Variants in NBEA observed in about 807,000 individuals in gnomAD.
NBEA encodes the protein neurobeachin.
Under a neutral mutation model 343.4 loss-of-function variants are expected in NBEA, and 44 were observed. The observed-to-expected ratio is 0.13, with a 90% CI of 0.10 to 0.16. The LOEUF (loss-of-function observed/expected upper bound fraction) is 0.16, where lower values mean the gene tolerates loss of function less well. Among genes scored for constraint, NBEA ranks in the 10% least tolerant of loss-of-function variants. The pLI is 1.00. For synonymous variants in NBEA, 1,175 were observed against 1,238.7 expected, an observed-to-expected ratio of 0.95 and a Z score of 1.08; for missense variants, 2,555 against 3,631.3, an observed-to-expected ratio of 0.70 and a Z score of 7.62.
At chr13:35,550,838 A>T (rs1195000875) in intron 42 of NBEA, 92 bp from the exon 43 acceptor site, 2 of 768,478 alleles carry the variant, frequency 2.6e-6, no homozygotes, top group African/African-American at 3.5e-5. Context: ...TTTACAAATA[A>T]ATCATGATAG....
chr13:35,124,707 T>C (rs555899946), intron 17 of NBEA, among the ~76,000 whole-genome samples: 3 of 150,280 alleles, frequency 2.0e-5, no homozygotes, highest in Non-Finnish European at 4.4e-5. Context: ...TACACACATA[T>C]ATGTATGGAT....
chr13:35,455,299 G>A (rs969575317), intron 40 of NBEA, among the ~76,000 whole-genome samples: 2 of 151,634 alleles, frequency 1.3e-5, no homozygotes, highest in Non-Finnish European at 2.9e-5. Context: ...ATAGAAGAAA[G>A]TATGCTAATT....
intron 36 of NBEA, among the ~76,000 whole-genome samples, chr13:35,343,784 C>A (rs902560341): frequency 6.6e-6 from 1 of 152,076 alleles, no homozygotes; most frequent in African/African-American, 2.4e-5. Context: ...TCTCCCATCA[C>A]CCCCAGATGG....
intron 47 of NBEA, among the ~76,000 whole-genome samples, chr13:35,597,367 T>C (rs1175142795): frequency 6.6e-6 from 1 of 152,196 alleles, no homozygotes; most frequent in Non-Finnish European, 1.5e-5. Context: ...ATTTAGGAAA[T>C]TTTAAACTAC....
chr13:35,538,325 T>C (rs2078653096), intron 41 of NBEA, among the ~76,000 whole-genome samples: 1 of 152,216 alleles, frequency 6.6e-6, no homozygotes, highest in African/African-American at 2.4e-5. Context: ...ACAAAGTTTG[T>C]GCATTGAACT....
In NBEA at chr13:35,050,406, G is replaced by A. The variant is rs199832483; in HGVS notation, c.972+11G>A. ...TTTCAACCACGCAAGGTAGGTAAAA[G>A]TAAATATTTTTATAACTCACCTGTT... On this transcript the variant is annotated intron_variant, in intron 6 of 58. Coordinates refer to ENST00000379939, the MANE Select transcript of NBEA (RefSeq NM_001385012.1). 1.7e-5 allele frequency: 27 copies of A among 1,604,050 alleles called. No homozygotes were observed. The highest frequency in any genetic ancestry group is 2.7e-5 in the African/African-American group (2 of 74,608).
chr13:35,384,279 A>C (rs2042138683), intron 38 of NBEA, among the ~76,000 whole-genome samples: 1 of 152,236 alleles, frequency 6.6e-6, no homozygotes, highest in Non-Finnish European at 1.5e-5. Context: ...TTTTATACCT[A>C]AATGGATTCT....
chr13:35,103,601 A>G (rs181042297), intron 11 of NBEA, among the ~76,000 whole-genome samples: 1 of 151,836 alleles, frequency 6.6e-6, no homozygotes, highest in Non-Finnish European at 1.5e-5. Flanking sequence ...ATTACTCTCA[A>G]TTGTTTCTCC....
chr13:35,526,653 C>G (rs1196043568), intron 41 of NBEA, among the ~76,000 whole-genome samples: 1 of 152,214 alleles, frequency 6.6e-6, no homozygotes, highest in Admixed American at 6.5e-5. Context: ...TGGGCTTGTT[C>G]TGCCCACTCA....
intron 41 of NBEA, among the ~76,000 whole-genome samples, chr13:35,473,370 G>A (rs182420045): frequency 4.6e-5 from 7 of 152,244 alleles, no homozygotes; most frequent in African/African-American, 1.2e-4. Flanking sequence ...ATTTTCAGAG[G>A]CAGTTATTCT....
chr13:34,944,518 CAAAT>C (rs990110976), intron 1 of NBEA, among the ~76,000 whole-genome samples: 3 of 152,092 alleles, frequency 2.0e-5, no homozygotes, highest in African/African-American at 4.8e-5. Flanking sequence ...TTGTACCTTT[CAAAT>C]AAATCATCAT....
At chr13:35,377,100 A>G (rs1299199486) in intron 38 of NBEA, among the ~76,000 whole-genome samples, 2 of 152,206 alleles carry the variant, frequency 1.3e-5, no homozygotes, top group Non-Finnish European at 2.9e-5. Context: ...TTATTTGATG[A>G]TAGGTTGGTT....
chr13:35,669,575 G>T (rs2085508327), intron 58 of NBEA, among the ~76,000 whole-genome samples: 1 of 152,166 alleles, frequency 6.6e-6, no homozygotes, highest in Admixed American at 6.5e-5. Context: ...ATCCCAAAGT[G>T]CTGCAGCCCA....
chr13:35,550,959 G>A lies in NBEA; in HGVS notation c.6733G>A (p.Ala2245Thr), dbSNP rs1477562499. ...TSVMFNFPDQ[A>T]TVKKVVYSLP... ...AGTTATGTTTAATTTCCCTGATCAA[G>A]CAACAGTAAAAAAAGTTGTCTATAG... is the stretch of plus-strand genomic sequence containing the variant. The change falls in exon 43 of 59, where the codon GCA (alanine) becomes ACA (threonine). Residue 2245 changes from alanine to threonine, a missense_variant. Ala to Thr is a moderately conservative substitution (Grantham distance 58). Transcript: ENST00000379939. 6.2e-7 allele frequency: 1 copy of A among 1,610,208 alleles called. No homozygotes were observed. Among genetic ancestry groups the A allele is most frequent in the Non-Finnish European group, 8.5e-7 (1 of 1,177,214 alleles).
intron 40 of NBEA, among the ~76,000 whole-genome samples, chr13:35,463,112 A>G (rs1345728871): frequency 6.6e-6 from 1 of 152,228 alleles, no homozygotes; most frequent in African/African-American, 2.4e-5. Flanking sequence ...CTGTGGCACA[A>G]GGTTTAAAGG....
At chr13:35,410,500 G>C (rs1303045585) in intron 38 of NBEA, among the ~76,000 whole-genome samples, 2 of 152,036 alleles carry the variant, frequency 1.3e-5, no homozygotes, top group Non-Finnish European at 2.9e-5. Context: ...TAGTAGTAAT[G>C]GCTTAAGATA....
chr13:35,269,144 A>G (rs1240385602), intron 34 of NBEA, among the ~76,000 whole-genome samples: 1 of 152,186 alleles, frequency 6.6e-6, no homozygotes, highest in Non-Finnish European at 1.5e-5. Flanking sequence ...TGATGGGGTT[A>G]CATACCCATA....
chr13:35,335,365 T>C (rs1214933001), intron 36 of NBEA, among the ~76,000 whole-genome samples: 1 of 152,180 alleles, frequency 6.6e-6, no homozygotes, highest in Non-Finnish European at 1.5e-5. Context: ...TTGGCTTTTT[T>C]CTATTTCTGT....
chr13:35,547,912 A>C (rs1243040477), intron 41 of NBEA, among the ~76,000 whole-genome samples: 1 of 151,324 alleles, frequency 6.6e-6, no homozygotes, highest in Non-Finnish European at 1.5e-5. Flanking sequence ...AAGGGAATTG[A>C]TGAAGCCATT....
Sources: gnomAD v4.1 joint callset for allele counts (sites outside exome capture counted in the v4.1 genomes callset) on GRCh38, gnomAD v4.1.1 for gene constraint, MANE v1.5 for transcripts, NCBI Gene and HGNC (gene_info 2026-07-23, HGNC 2026-07-21) for gene names.